The following CRTC3 variants were observed in gnomAD, a reference collection of about 807,000 sequenced individuals.
CRTC3 encodes the protein CREB regulated transcription coactivator 3, also known as CREB-regulated transcription coactivator 3.
In CRTC3, 26 loss-of-function variants were observed where a neutral mutation model predicts 74.5. That is an observed-to-expected ratio of 0.35 (90% CI 0.26 to 0.48). The LOEUF (loss-of-function observed/expected upper bound fraction) is 0.48, where lower values mean the gene tolerates loss of function less well. Among genes scored for constraint, CRTC3 ranks in the 20% least tolerant of loss-of-function variants. The probability of loss-of-function intolerance (pLI) is 0.99; values close to 1 mark genes in which losing one functional copy is unlikely to be tolerated. For missense variants in CRTC3, 760 were observed against 787.3 expected, an observed-to-expected ratio of 0.97 and a Z score of 0.41; for synonymous variants, 377 against 325.8, an observed-to-expected ratio of 1.16 and a Z score of -1.69.
chr15:90,576,576 A>T lies in CRTC3; in HGVS notation c.232-17060A>T, dbSNP rs538883839. ...GGCTAGAGAGATGGAGTGATATGAC[A>T]GAGCCCTGAGGAACCCCAGCACTAA... On this transcript the variant is annotated intron_variant, in intron 2 of 14. Transcript: ENST00000268184. Among the ~76,000 whole-genome samples, 132 of 152,284 alleles carry T rather than the reference A, an allele frequency of 8.7e-4. 1 individual carries two copies. The highest frequency in any genetic ancestry group is 3.2e-3 in the African/African-American group (132 of 41,546).
intron 2 of CRTC3, among the ~76,000 whole-genome samples, chr15:90,574,691 A>G (rs1967362022): frequency 6.6e-6 from 1 of 152,144 alleles, no homozygotes. Context: ...CTGTTTGCCC[A>G]CATCCTCCCC....
intron 2 of CRTC3, among the ~76,000 whole-genome samples, chr15:90,578,274 C>T (rs1967453625): frequency 6.6e-6 from 1 of 152,048 alleles, no homozygotes; most frequent in African/African-American, 2.4e-5. Flanking sequence ...GGGCTGGGCA[C>T]AGTGGCTCAG....
intron 6 of CRTC3, among the ~76,000 whole-genome samples, chr15:90,610,869 C>T (rs1356403456): frequency 5.3e-5 from 8 of 152,084 alleles, no homozygotes; most frequent in Admixed American, 2.6e-4. Context: ...GAGCAGAGTG[C>T]GTAATAGGTG....
chr15:90,627,259 C>A (rs1968870873), intron 10 of CRTC3, among the ~76,000 whole-genome samples: 2 of 152,152 alleles, frequency 1.3e-5, no homozygotes, highest in Admixed American at 6.5e-5. Flanking sequence ...ATTTTAGTAT[C>A]CTTAATAGTA....
At chr15:90,609,132 A>G (rs571257670) in intron 6 of CRTC3, among the ~76,000 whole-genome samples, 8 of 152,304 alleles carry the variant, frequency 5.3e-5, no homozygotes, top group Admixed American at 2.0e-4. Context: ...AATTGTTGCT[A>G]TATTTGTTCT....
intron 2 of CRTC3, among the ~76,000 whole-genome samples, chr15:90,570,537 C>G (rs1361753568): frequency 6.6e-6 from 1 of 152,116 alleles, no homozygotes; most frequent in Non-Finnish European, 1.5e-5. Context: ...ATATAACACT[C>G]CTTTATAATG....
At chr15:90,588,015 AG>A (rs1334632250) in intron 2 of CRTC3, among the ~76,000 whole-genome samples, 1 of 151,656 alleles carries the variant, frequency 6.6e-6, no homozygotes, top group Non-Finnish European at 1.5e-5. Flanking sequence ...TGGGAGGCCG[AG>A]GGGGGTGGAT....
chr15:90,643,521 A>G lies in CRTC3; in HGVS notation c.*1381A>G, dbSNP rs1969523607. On this transcript the variant is annotated 3_prime_UTR_variant, in exon 15 of 15. Transcript: ENST00000268184. ...CAGGAAGATCTTCCTTCTCAGATCC[A>G]CGTTTGGCTCTAAATTGCTTCAAGT... 4.4e-6 allele frequency: 1 copy of G among 228,754 alleles called. No homozygotes were observed. The highest frequency in any genetic ancestry group is 5.7e-5 in the Admixed American group (1 of 17,644). 14.2% of individuals were successfully genotyped at this position (228,754 alleles called of 1,614,324 possible).
intron 6 of CRTC3, among the ~76,000 whole-genome samples, chr15:90,611,363 C>T (rs1968352599): frequency 1.3e-5 from 2 of 152,158 alleles, no homozygotes; most frequent in Admixed American, 1.3e-4. Flanking sequence ...CTGAGGTTTC[C>T]TGGAACACAG....
At position 90,604,353 on chromosome 15, in the gene CRTC3, C is replaced by A. The variant is rs149411349; in HGVS notation, c.414-32C>A. The A allele has an allele frequency of 7.5e-6, 12 of 1,592,976 alleles. No individual in the cohort carries two copies. The African/African-American group carries it at 1.6e-4, about 21-fold the overall frequency. On this transcript the variant is annotated intron_variant, in intron 4 of 14. Transcript: ENST00000268184. ...TCCTTTGCTGTCTGTGGATTGACTT[C>A]TTTTCCTTTTATGTTGTTCTGGTTT...
At chr15:90,555,223 C>G (rs1483035947) in intron 2 of CRTC3, among the ~76,000 whole-genome samples, 1 of 152,152 alleles carries the variant, frequency 6.6e-6, no homozygotes, top group Non-Finnish European at 1.5e-5. Flanking sequence ...TCATTATCCC[C>G]CAAAGCCCAA....
chr15:90,585,238 G>A (rs1030677476), intron 2 of CRTC3, among the ~76,000 whole-genome samples: 10 of 152,160 alleles, frequency 6.6e-5, no homozygotes, highest in Admixed American at 5.9e-4. Context: ...TCCACCTCCT[G>A]TGCTCAAGGG....
intron 3 of CRTC3, among the ~76,000 whole-genome samples, chr15:90,601,340 C>T (rs1036923589): frequency 2.6e-5 from 4 of 152,184 alleles, no homozygotes; most frequent in African/African-American, 9.7e-5. Context: ...TCTAATGCGC[C>T]TCTTTTTTGG....
At chr15:90,624,315 C>A (rs554328043) in intron 9 of CRTC3, among the ~76,000 whole-genome samples, 1 of 152,094 alleles carries the variant, frequency 6.6e-6, no homozygotes. Context: ...CCCTGCCTCT[C>A]CTTCTGCCTG....
chr15:90,571,032 C>T (rs765559713), intron 2 of CRTC3, among the ~76,000 whole-genome samples: 3 of 152,260 alleles, frequency 2.0e-5, no homozygotes, highest in East Asian at 1.9e-4. Context: ...CCCTTTTCTA[C>T]GTTCCTAAAT....
chr15:90,631,317 T>G (rs903410170), intron 11 of CRTC3, among the ~76,000 whole-genome samples: 1 of 152,178 alleles, frequency 6.6e-6, no homozygotes, highest in African/African-American at 2.4e-5. Context: ...CGCGGCTCCC[T>G]TGCCTTGAAT....
intron 11 of CRTC3, among the ~76,000 whole-genome samples, chr15:90,635,929 A>C (rs2151096503): frequency 6.6e-6 from 1 of 152,276 alleles, no homozygotes; most frequent in Non-Finnish European, 1.5e-5. Context: ...ATGGAAGAAC[A>C]TTCCATGCTC....
Position 90,630,967 on chromosome 15 carries a change from C to G in CRTC3, c.1266+1435C>G, listed in dbSNP as rs1206009188. Reference sequence around the variant, plus strand: ...TAATTTTTTGTATTTTTAGTAGAGACGGGGTTTCACCTTGTTAGCCAGGAT... The same window carrying G: ...TAATTTTTTGTATTTTTAGTAGAGAGGGGGTTTCACCTTGTTAGCCAGGAT... On this transcript the variant is annotated intron_variant, in intron 11 of 14. Transcript: ENST00000268184. Among the ~76,000 whole-genome samples the G allele has an allele frequency of 4.0e-4, 13 of 32,352 alleles. 4 individuals carry two copies. The highest frequency in any genetic ancestry group is 9.5e-4 in the African/African-American group (13 of 13,690). The allele number at this position is 32,352 out of a possible 152,430, so 21.2% of individuals were successfully genotyped here. A position where few individuals can be genotyped will look rare whatever the true frequency, so the allele number is the denominator to read the frequency against.
chr15:90,593,786 G>A lies in CRTC3; in HGVS notation c.351+31G>A, dbSNP rs1967855396. 1.9e-6 allele frequency: 3 copies of A among 1,559,694 alleles called. No individual in the cohort carries two copies. The Admixed American group carries it at 5.3e-5, about 27-fold the overall frequency. On this transcript the variant is annotated intron_variant, in intron 3 of 14. Coordinates refer to ENST00000268184, the MANE Select transcript of CRTC3 (RefSeq NM_022769.5). The stretch of plus-strand genomic sequence containing the variant: ...CTTTTTTACTCTTCAAAGGGAGTGT[G>A]CATTCTGAAATGTTTGAAAAGTTTT...
Sources: gnomAD v4.1 joint callset for allele counts (sites outside exome capture counted in the v4.1 genomes callset) on GRCh38, gnomAD v4.1.1 for gene constraint, MANE v1.5 for transcripts, NCBI Gene and HGNC (gene_info 2026-07-23, HGNC 2026-07-21) for gene names.